The following LINGO2 variants were observed in gnomAD, a reference collection of about 807,000 sequenced individuals.
LINGO2 encodes leucine rich repeat and Ig domain containing 2, also known as leucine-rich repeat and immunoglobulin-like domain-containing nogo receptor-interacting protein 2.
A neutral mutation model predicts 30.6 loss-of-function variants in LINGO2; 14 were observed. The ratio of observed to expected loss-of-function variants is 0.46; its 90% CI spans 0.30 to 0.72. The LOEUF (loss-of-function observed/expected upper bound fraction) is 0.72. LINGO2 is among the 30% of genes least tolerant of loss of function. LINGO2 has a pLI of 0.07. For synonymous variants in LINGO2, 317 were observed against 288.5 expected (o/e 1.10, Z -1.00); for missense variants, 729 against 751.7 (o/e 0.97, Z 0.35).
intron 5 of LINGO2, among the ~76,000 whole-genome samples, chr9:28,004,170 T>A (rs188419550): frequency 2.8e-3 from 426 of 152,324 alleles, no homozygotes; most frequent in African/African-American, 9.5e-3. Context: ...GTGGTTTGTA[T>A]TAAAAATGAA....
At chr9:28,048,828 C>G (rs1824541115) in intron 4 of LINGO2, among the ~76,000 whole-genome samples, 1 of 150,146 alleles carries the variant, frequency 6.7e-6, no homozygotes, top group Non-Finnish European at 1.5e-5. Flanking sequence ...ATGAAAATAG[C>G]AACATATATA....
intron 4 of LINGO2, among the ~76,000 whole-genome samples, chr9:28,284,702 A>T (rs562660728): frequency 6.6e-4 from 101 of 152,280 alleles, no homozygotes; most frequent in African/African-American, 2.4e-3. Context: ...GAATTATGTC[A>T]ACAGAGAAGG....
chr9:28,930,801 A>T, the LINGO2 span, among the ~76,000 whole-genome samples: 1 of 152,178 alleles, frequency 6.6e-6, no homozygotes, highest in East Asian at 1.9e-4. This position sits in a 1 kb window ranked among gnomAD's most constrained non-coding sequence, Gnocchi z 4.2. Flanking sequence ...CGGATTTAAG[A>T]CTGACCATTA....
At chr9:28,593,566 G>T (rs116886589) in intron 1 of LINGO2, among the ~76,000 whole-genome samples, 3 of 151,954 alleles carry the variant, frequency 2.0e-5, no homozygotes, top group Non-Finnish European at 4.4e-5. Flanking sequence ...CCCCATAAAA[G>T]GTCTGACTAT....
the LINGO2 span, among the ~76,000 whole-genome samples, chr9:28,913,464 T>C: frequency 2.0e-5 from 3 of 152,122 alleles, no homozygotes. Flanking sequence ...GTCAACCATA[T>C]TTTATAATAC....
At chr9:28,954,345 C>T in the LINGO2 span, among the ~76,000 whole-genome samples, 39 of 152,116 alleles carry the variant, frequency 2.6e-4, no homozygotes, top group African/African-American at 8.9e-4. Flanking sequence ...CAGTTTGCAG[C>T]AAATGTGCTT....
chr9:28,491,620 A>T (rs1263897659), intron 1 of LINGO2, among the ~76,000 whole-genome samples: 1 of 152,174 alleles, frequency 6.6e-6, no homozygotes, highest in East Asian at 1.9e-4. Context: ...AATAAAATTA[A>T]ACCTAATTAA....
chr9:28,393,903 T>C (rs757623991), intron 2 of LINGO2, among the ~76,000 whole-genome samples: 3 of 152,190 alleles, frequency 2.0e-5, no homozygotes, highest in Non-Finnish European at 2.9e-5. Flanking sequence ...GGGATAACTC[T>C]GAGGAAAAAG....
the LINGO2 span, among the ~76,000 whole-genome samples, chr9:28,886,963 A>G: frequency 2.6e-5 from 4 of 152,154 alleles, no homozygotes; most frequent in Admixed American, 2.6e-4. Context: ...TGGATCTAAC[A>G]TATTTTAGAT....
intron 1 of LINGO2, among the ~76,000 whole-genome samples, chr9:28,586,505 T>C (rs1389844689): frequency 1.3e-5 from 2 of 152,058 alleles, no homozygotes; most frequent in African/African-American, 4.8e-5. Flanking sequence ...TTGAATAATG[T>C]TTAGAAATTG....
chr9:29,097,021 A>C, the LINGO2 span, among the ~76,000 whole-genome samples: 2 of 139,760 alleles, frequency 1.4e-5, 1 homozygote, highest in African/African-American at 5.4e-5. Flanking sequence ...TGCAAATCAT[A>C]ATATGGTAAT....
chr9:28,664,848 C>G (rs1311220106), intron 1 of LINGO2, among the ~76,000 whole-genome samples: 1 of 151,680 alleles, frequency 6.6e-6, no homozygotes, highest in African/African-American at 2.4e-5. Flanking sequence ...AAGCTCTCAC[C>G]TTGCTTTACT....
At chr9:29,120,718 C>A in the LINGO2 span, among the ~76,000 whole-genome samples, 1 of 152,128 alleles carries the variant, frequency 6.6e-6, no homozygotes, top group African/African-American at 2.4e-5. Context: ...TAAAATAGTG[C>A]AAAAGAGCTT....
At chr9:28,281,191 A>C (rs967964799) in intron 4 of LINGO2, among the ~76,000 whole-genome samples, 1 of 152,114 alleles carries the variant, frequency 6.6e-6, no homozygotes, top group Admixed American at 6.6e-5. Flanking sequence ...AGCACACTGT[A>C]AATGTCGCTC....
At chr9:28,583,094 G>C (rs550131170) in intron 1 of LINGO2, among the ~76,000 whole-genome samples, 16 of 152,082 alleles carry the variant, frequency 1.1e-4, no homozygotes, top group African/African-American at 3.9e-4. Context: ...TATAAAAAAT[G>C]CTGAAAAGAT....
At chr9:29,192,604 T>C in the LINGO2 span, among the ~76,000 whole-genome samples, 1 of 152,176 alleles carries the variant, frequency 6.6e-6, no homozygotes, top group Admixed American at 6.5e-5. Context: ...GCCAGTGATA[T>C]AACATTTGAT....
chr9:28,636,028 A>G (rs564438153), intron 1 of LINGO2, among the ~76,000 whole-genome samples: 1 of 152,036 alleles, frequency 6.6e-6, no homozygotes, highest in African/African-American at 2.4e-5. Flanking sequence ...CCTGTGTCCA[A>G]GTGTTCTCAT....
chr9:28,360,506 T>C (rs1388706458), intron 3 of LINGO2, among the ~76,000 whole-genome samples: 1 of 152,152 alleles, frequency 6.6e-6, no homozygotes, highest in Non-Finnish European at 1.5e-5. Flanking sequence ...TTTAAAAATT[T>C]CAAAGAAGCT....
chr9:28,506,490 A>G lies in LINGO2; in HGVS notation c.-364-30465T>C, dbSNP rs1376690972. Among the ~76,000 whole-genome samples the G allele has an allele frequency of 2.0e-4, 22 of 111,412 alleles. 3 individuals carry two copies. The highest frequency in any genetic ancestry group is 6.6e-4 in the African/African-American group (21 of 31,696). The allele number at this position is 111,412 out of a possible 152,430, so 73.1% of individuals were successfully genotyped here. On this transcript the variant is annotated intron_variant, in intron 1 of 5. Transcript: ENST00000379992. Reference sequence around the variant, plus strand: ...CACACACACACACACATACACATACACACACACACACAGACATATATATAT... The same window carrying G: ...CACACACACACACACATACACATACGCACACACACACAGACATATATATAT...
Sources: allele counts gnomAD v4.1 joint callset (sites outside exome capture counted in the v4.1 genomes callset), GRCh38; gene constraint gnomAD v4.1.1; non-coding constraint Gnocchi (gnomAD v3.1); transcripts MANE v1.5; gene names NCBI Gene and HGNC (gene_info 2026-07-23, HGNC 2026-07-21).